Variants in ABHD6 observed in about 807,000 individuals in gnomAD.
ABHD6 encodes the protein monoacylglycerol lipase ABHD6.
ABHD6 carries 33 observed loss-of-function variants against 38.8 expected under a neutral mutation model. The ratio of observed to expected loss-of-function variants is 0.85; its 90% confidence interval spans 0.64 to 1.14. The LOEUF is 1.14. Among genes scored for constraint, ABHD6 ranks in the 50% most tolerant of loss-of-function variants. ABHD6 has a pLI of 0.00. For synonymous variants in ABHD6, 147 were observed against 161.6 expected (o/e 0.91, Z 0.69); for missense variants, 380 against 422.6 (o/e 0.90, Z 0.88).
At position 58,290,649 on chromosome 3, in the gene ABHD6, C is replaced by T. The variant is rs1403959678; in HGVS notation, c.838-2940C>T. Among the ~76,000 whole-genome samples, 8 of 148,058 alleles carry T rather than the reference C, an allele frequency of 5.4e-5. No homozygotes were observed. In the East Asian group the frequency reaches 1.7e-3, roughly 31 times the overall value. The stretch of plus-strand genomic sequence containing the variant: ...GGGCGGTTGCCGGGCGGAGGGTCTC[C>T]TCCCTTCTCAGATGGGGCGGCTGGG... On this transcript the variant is annotated intron_variant, in intron 9 of 9. Coordinates refer to ENST00000478253, the MANE Select transcript of ABHD6 (RefSeq NM_001320126.2).
chr3:58,274,914 T>G, intron 7 of ABHD6, 99 bp downstream of exon 7: 2 of 1,387,614 alleles, frequency 1.4e-6, no homozygotes, highest in Non-Finnish European at 2.0e-6. Context: ...ACTCATTGAC[T>G]ACTTCTTGTC....
chr3:58,244,437 C>T lies in ABHD6; in HGVS notation c.-90-5441C>T, dbSNP rs188528833. 7.8e-4 allele frequency among the ~76,000 whole-genome samples: 119 copies of T among 152,076 alleles called. 1 individual carries two copies. Among genetic ancestry groups the T allele is most frequent in the Admixed American group, 3.7e-3 (56 of 15,274 alleles). The stretch of plus-strand genomic sequence containing the variant: ...TGTTAATTGGAAGGACTTATCATAC[C>T]GTAAAAGAGTCTACACAAAATGAAG... On this transcript the variant is annotated intron_variant, in intron 1 of 9. Coordinates refer to ENST00000478253, the MANE Select transcript of ABHD6 (RefSeq NM_001320126.2).
chr3:58,264,869 C>T (rs1338445465), intron 3 of ABHD6, among the ~76,000 whole-genome samples: 2 of 152,042 alleles, frequency 1.3e-5, no homozygotes, highest in Admixed American at 1.3e-4. Flanking sequence ...ATGGGGTATC[C>T]ATCCCCTCAA....
chr3:58,246,022 A>C (rs1055963725), intron 1 of ABHD6, among the ~76,000 whole-genome samples: 1 of 152,194 alleles, frequency 6.6e-6, no homozygotes, highest in African/African-American at 2.4e-5. Flanking sequence ...AGTCACTTAC[A>C]TGATGCTCTT....
intron 3 of ABHD6, chr3:58,258,390 C>T: frequency 2.3e-6 from 1 of 440,494 alleles, no homozygotes; most frequent in Non-Finnish European, 4.6e-6. Flanking sequence ...TCTCCTTTTA[C>T]TTTGTTACAA....
Position 58,256,484 on chromosome 3 carries a change from T to C in ABHD6, c.-25-78T>C. The C allele has an allele frequency of 2.3e-6, 2 of 852,844 alleles. No homozygotes were observed. The highest frequency in any genetic ancestry group is 2.6e-5 in the East Asian group (1 of 38,094). The allele number at this position is 852,844 out of a possible 1,614,324, so 52.8% of individuals were successfully genotyped here. A position where few individuals can be genotyped will look rare whatever the true frequency, so the allele number is the denominator to read the frequency against. On this transcript the variant is annotated intron_variant, in intron 2 of 9. Coordinates refer to ENST00000478253, the MANE Select transcript of ABHD6 (RefSeq NM_001320126.2). This position sits in a 1 kb window ranked among gnomAD's most constrained non-coding sequence, Gnocchi z 4.3. Reference sequence around the variant, plus strand: ...TACCCTCACTCTGGGAACTTCACTTTTCTTGTCCCCTTTACTTCTTCGCCT... The same window carrying C: ...TACCCTCACTCTGGGAACTTCACTTCTCTTGTCCCCTTTACTTCTTCGCCT...
rs199678322 is a variant in ABHD6, at chr3:58,274,745, C to T, written c.611C>T (p.Pro204Leu). The T allele has an allele frequency of 5.6e-6, 9 of 1,614,088 alleles. No homozygotes were observed. The highest frequency in any genetic ancestry group is 2.7e-5 in the African/African-American group (2 of 74,920). The change falls in exon 7 of 10, where the codon CCG (proline) becomes CTG (leucine). Residue 204 changes from proline (P) to leucine (L), a missense_variant. Physicochemically the swap from Pro to Leu is moderately conservative, Grantham distance 98. Transcript: ENST00000478253. ...SAAVEKIPLI[P>L]STPEEMSEML... ...GCCGTGGAGAAGATTCCCTTGATCC[C>T]GTCTACCCCAGAAGAGATGAGTGAA...
chr3:58,272,149 T>C (rs1185031596), intron 6 of ABHD6, among the ~76,000 whole-genome samples: 7 of 152,170 alleles, frequency 4.6e-5, no homozygotes, highest in Non-Finnish European at 1.0e-4. Context: ...CATTTACACA[T>C]AGTAAATTGT....
intron 7 of ABHD6, among the ~76,000 whole-genome samples, chr3:58,284,008 C>T (rs1283505538): frequency 6.6e-6 from 1 of 152,176 alleles, no homozygotes; most frequent in East Asian, 1.9e-4. Flanking sequence ...TCAGTCAGTG[C>T]ACAGGACTCC....
At chr3:58,279,254 C>T (rs1309431968) in intron 7 of ABHD6, among the ~76,000 whole-genome samples, 2 of 152,176 alleles carry the variant, frequency 1.3e-5, no homozygotes, top group African/African-American at 2.4e-5. Context: ...TTGTAGGTCT[C>T]TAAGAGCTTG....
chr3:58,293,829 C>T lies in ABHD6; in HGVS notation c.*64C>T. 6.4e-7 allele frequency: 1 copy of T among 1,558,050 alleles called. No individual in the cohort carries two copies. The highest frequency in any genetic ancestry group is 1.2e-5 in the South Asian group (1 of 85,164). On this transcript the variant is annotated 3_prime_UTR_variant, in exon 10 of 10. Coordinates refer to ENST00000478253, the MANE Select transcript of ABHD6 (RefSeq NM_001320126.2). This position sits in a 1 kb window ranked among gnomAD's most constrained non-coding sequence, Gnocchi z 4.4. ...CTCCCATCCCCCAAGTCTGACGCAGCCACCACTCTCAGGGATCCTGCCCCA... is the reference window on the plus strand; with the variant it reads ...CTCCCATCCCCCAAGTCTGACGCAGTCACCACTCTCAGGGATCCTGCCCCA...
intron 1 of ABHD6, among the ~76,000 whole-genome samples, chr3:58,242,854 A>G (rs1198758612): frequency 6.6e-6 from 1 of 152,210 alleles, no homozygotes; most frequent in East Asian, 1.9e-4. Context: ...TATTTCTCCT[A>G]ATGCTATCCC....
In ABHD6 at chr3:58,285,261, G is replaced by A. The variant is rs1468923359; in HGVS notation, c.737-92G>A. On this transcript the variant is annotated intron_variant, in intron 8 of 9. Transcript: ENST00000478253. This position sits in a 1 kb window ranked among gnomAD's most constrained non-coding sequence, Gnocchi z 4.9. Reference sequence around the variant, plus strand: ...TTTGGGCCCCTGAAGAGAGGAAGTGGTGGCCTGGATCTGGTGACTATCCCT... The same window carrying A: ...TTTGGGCCCCTGAAGAGAGGAAGTGATGGCCTGGATCTGGTGACTATCCCT... The A allele has an allele frequency of 2.6e-6, 4 of 1,519,374 alleles. No homozygotes were observed. The highest frequency in any genetic ancestry group is 3.7e-6 in the Non-Finnish European group (4 of 1,094,600). The allele number at this position is 1,519,374 out of a possible 1,614,324, so 94.1% of individuals were successfully genotyped here. A position where few individuals can be genotyped will look rare whatever the true frequency, so the allele number is the denominator to read the frequency against.
rs1400457308 is a variant in ABHD6, at chr3:58,270,981, C to T, written c.440C>T (p.Thr147Ile). Residue 147 changes from threonine (T) to isoleucine (I), a missense_variant, in exon 6 of 10, where the codon ACC becomes ATC. Coordinates refer to ENST00000478253, the MANE Select transcript of ABHD6 (RefSeq NM_001320126.2). ...AAAAAACCTTTCCACCTGGTAGGCA[C>T]CTCCATGGGTGGCCAGGTGGCTGGG... ...LNKKPFHLVG[T>I]SMGGQVAGVY... The T allele has an allele frequency of 1.2e-6, 2 of 1,612,594 alleles. No homozygotes were observed. Among genetic ancestry groups the T allele is most frequent in the Non-Finnish European group, 1.7e-6 (2 of 1,179,624 alleles).
rs912875474 is a variant in ABHD6 at position 58,257,421 on chromosome 3, G to A, written c.119+716G>A. ...TCTGTCACCTAGGCTGGAGTGCAGT[G>A]GTGTCATCTCGGCTCACTGCAACCT... On this transcript the variant is annotated intron_variant, in intron 3 of 9. Transcript: ENST00000478253. The surrounding 1 kb of genome is among the most constrained non-coding windows in gnomAD (Gnocchi z 4.8). 7.9e-5 allele frequency among the ~76,000 whole-genome samples: 12 copies of A among 151,818 alleles called. No individual in the cohort carries two copies. Among genetic ancestry groups the A allele is most frequent in the African/African-American group, 2.9e-4 (12 of 41,310 alleles).
intron 3 of ABHD6, among the ~76,000 whole-genome samples, chr3:58,262,508 G>A (rs2097437722): frequency 6.6e-6 from 1 of 152,286 alleles, no homozygotes; most frequent in East Asian, 1.9e-4. Flanking sequence ...TTCTGTCCCT[G>A]AAACAGGAGC....
chr3:58,251,383 A>G lies in ABHD6; in HGVS notation c.-26+1441A>G, dbSNP rs543825963. On this transcript the variant is annotated intron_variant, in intron 2 of 9. Transcript: ENST00000478253. This position sits in a 1 kb window ranked among gnomAD's most constrained non-coding sequence, Gnocchi z 5.4. ...AGGCGAAGCGAGGAGAGATGTGTCTATGAGATTCTATGAAAGTGTTTTACG... is the reference window on the plus strand; with the variant it reads ...AGGCGAAGCGAGGAGAGATGTGTCTGTGAGATTCTATGAAAGTGTTTTACG... Among the ~76,000 whole-genome samples the G allele has an allele frequency of 1.7e-3, 266 of 152,074 alleles. No homozygotes were observed. Among genetic ancestry groups the G allele is most frequent in the African/African-American group, 6.0e-3 (251 of 41,506 alleles).
At position 58,267,030 on chromosome 3, in the gene ABHD6, A is replaced by G. The variant is rs2097441470; in HGVS notation, c.120-159A>G. 6.6e-6 allele frequency among the ~76,000 whole-genome samples: 1 copy of G among 152,216 alleles called. No individual in the cohort carries two copies. On this transcript the variant is annotated intron_variant, in intron 3 of 9. Transcript: ENST00000478253. This position sits in a 1 kb window ranked among gnomAD's most constrained non-coding sequence, Gnocchi z 4.3. Reference sequence around the variant, plus strand: ...GTTTGGCTTTGTGTTCCTTGAGGGTAAAGCTCAGGAGGACTCTAGAGACTG... The same window carrying G: ...GTTTGGCTTTGTGTTCCTTGAGGGTGAAGCTCAGGAGGACTCTAGAGACTG...
chr3:58,269,758 A>G lies in ABHD6; in HGVS notation c.390+324A>G, dbSNP rs1019387403. ...GGATCTCTCTTTCTGCTCACCAGTT[A>G]TATGATAACAGTAATAGCCCCTCTG... is the stretch of plus-strand genomic sequence containing the variant. On this transcript the variant is annotated intron_variant, in intron 5 of 9. Transcript: ENST00000478253. This position sits in a 1 kb window ranked among gnomAD's most constrained non-coding sequence, Gnocchi z 4.4. Among the ~76,000 whole-genome samples the G allele has an allele frequency of 6.6e-6, 1 of 152,234 alleles. No individual in the cohort carries two copies.
Sources: gnomAD v4.1 joint callset for allele counts (sites outside exome capture counted in the v4.1 genomes callset) on GRCh38, gnomAD v4.1.1 for gene constraint, Gnocchi (gnomAD v3.1) non-coding constraint, MANE v1.5 for transcripts, NCBI Gene and HGNC (gene_info 2026-07-23, HGNC 2026-07-21) for gene names.